FRMD3: variants seen among roughly 807,000 people sequenced by gnomAD.
The protein encoded by FRMD3 is FERM domain-containing protein 3.
Under a neutral mutation model 70.2 loss-of-function variants are expected in FRMD3, and 33 were observed. The ratio of observed to expected loss-of-function variants is 0.47; its 90% CI spans 0.36 to 0.63. The LOEUF (loss-of-function observed/expected upper bound fraction) is 0.63. Among genes scored for constraint, FRMD3 ranks in the 20% least tolerant of loss-of-function variants. The pLI is 0.00. For synonymous variants in FRMD3, 279 were observed against 255.9 expected, an observed-to-expected ratio of 1.09 and a Z score of -0.86; for missense variants, 632 against 711.4, an observed-to-expected ratio of 0.89 and a Z score of 1.27.
intron 12 of FRMD3, among the ~76,000 whole-genome samples, chr9:83,296,802 C>T (rs1164878869): frequency 6.6e-6 from 1 of 152,190 alleles, no homozygotes; most frequent in Non-Finnish European, 1.5e-5. Context: ...AAGAAAAGTG[C>T]TTCACTCCAG....
intron 13 of FRMD3, among the ~76,000 whole-genome samples, chr9:83,254,123 G>A (rs986514842): frequency 2.0e-5 from 3 of 151,884 alleles, no homozygotes; most frequent in Non-Finnish European, 4.4e-5. Flanking sequence ...CATGGGGTAG[G>A]GGGAAGGGGG....
chr9:83,479,741 A>AAAGAAAGGGAAAG (rs1828513138), intron 1 of FRMD3, among the ~76,000 whole-genome samples: 1 of 13,854 alleles, frequency 7.2e-5, no homozygotes, highest in African/African-American at 6.8e-4. Flanking sequence ...GAAAGAAAGA[A>AAAGAAAGGGAAAG]AAAGAAAAGA....
At chr9:83,341,946 A>G (rs1421670538) in intron 5 of FRMD3, among the ~76,000 whole-genome samples, 4 of 152,144 alleles carry the variant, frequency 2.6e-5, no homozygotes, top group African/African-American at 9.6e-5. Flanking sequence ...TGACAAGCTC[A>G]GTGTTGTGGT....
intron 3 of FRMD3, among the ~76,000 whole-genome samples, chr9:83,369,807 T>C (rs1564040804): frequency 2.6e-5 from 4 of 152,108 alleles, no homozygotes; most frequent in South Asian, 2.1e-4. Flanking sequence ...TATACATTCA[T>C]AAAAATTCTT....
chr9:83,331,865 T>C (rs747019404), intron 6 of FRMD3: 22 of 717,328 alleles, frequency 3.1e-5, no homozygotes, highest in South Asian at 1.3e-4. Context: ...CTGAACACCA[T>C]AGAATTGCAT....
At chr9:83,439,690 T>C (rs61424289) in intron 1 of FRMD3, among the ~76,000 whole-genome samples, 17,970 of 152,042 alleles carry the variant, frequency 0.12, 1,254 homozygotes, top group African/African-American at 0.18. Flanking sequence ...CATCATTAGA[T>C]ACATATTATG....
chr9:83,353,471 G>C (rs1157185397), intron 3 of FRMD3, among the ~76,000 whole-genome samples: 1 of 152,142 alleles, frequency 6.6e-6, no homozygotes, highest in African/African-American at 2.4e-5. Flanking sequence ...ATGCATGAGG[G>C]TATAGAATAA....
chr9:83,562,158 A>T, the FRMD3 span, among the ~76,000 whole-genome samples: 99,985 of 152,074 alleles, frequency 0.66, 33,057 homozygotes, highest in South Asian at 0.7. Flanking sequence ...TAGGGAGTAA[A>T]AATGGAAGAA....
chr9:83,369,343 A>T (rs1278347267), intron 3 of FRMD3, among the ~76,000 whole-genome samples: 1 of 152,142 alleles, frequency 6.6e-6, no homozygotes, highest in Non-Finnish European at 1.5e-5. Context: ...TGGGAGGCCA[A>T]AATGGGTGGA....
chr9:83,434,660 A>G (rs527632153), intron 1 of FRMD3, among the ~76,000 whole-genome samples: 1 of 152,092 alleles, frequency 6.6e-6, no homozygotes, highest in Non-Finnish European at 1.5e-5. Context: ...TCCTCTCCCA[A>G]TGTCTTAAAG....
intron 10 of FRMD3, among the ~76,000 whole-genome samples, chr9:83,303,994 T>C (rs1835021340): frequency 2.0e-5 from 3 of 152,232 alleles, no homozygotes; most frequent in Admixed American, 2.0e-4. Context: ...TCATGCAATA[T>C]GTGGTGCTTT....
chr9:83,498,570 A>C (rs1349290098), intron 1 of FRMD3, among the ~76,000 whole-genome samples: 3 of 152,194 alleles, frequency 2.0e-5, no homozygotes, highest in Non-Finnish European at 4.4e-5. Flanking sequence ...AAATGAAAAA[A>C]TACTTCCTCA....
chr9:83,422,118 G>A (rs930067072), intron 1 of FRMD3, among the ~76,000 whole-genome samples: 14 of 152,134 alleles, frequency 9.2e-5, no homozygotes, highest in African/African-American at 3.1e-4. Context: ...CCAGCTACTC[G>A]GGAGGCTGAG....
chr9:83,409,293 A>T (rs1347197877), intron 1 of FRMD3, among the ~76,000 whole-genome samples: 1 of 152,196 alleles, frequency 6.6e-6, no homozygotes, highest in African/African-American at 2.4e-5. Flanking sequence ...CTGTTCAAAA[A>T]TGGGATCAGC....
chr9:83,336,307 A>G (rs1469727036), intron 5 of FRMD3, among the ~76,000 whole-genome samples: 4 of 152,124 alleles, frequency 2.6e-5, no homozygotes, highest in African/African-American at 7.2e-5. Flanking sequence ...ATAAATATAT[A>G]TAATGTTTAT....
At chr9:83,416,760 TCTCTCTCTCTCTCTCTCTCTCTCTCTCA>T (rs1467799294) in intron 1 of FRMD3, among the ~76,000 whole-genome samples, 110 of 112,734 alleles carry the variant, frequency 9.8e-4, no homozygotes, top group African/African-American at 4.1e-3. Context: ...TCTCTCTCTC[TCTCTCTCTCTCTCTCTCTCTCTCTCTCA>T]CTCTCTCTCT....
At chr9:83,312,034 A>T in intron 7 of FRMD3, 59 bp from the exon 8 acceptor site, 1 of 1,248,610 alleles carries the variant, frequency 8.0e-7, no homozygotes, top group South Asian at 1.4e-5. Flanking sequence ...AATAAAATAA[A>T]TGATAACCAA....
intron 13 of FRMD3, among the ~76,000 whole-genome samples, chr9:83,256,746 C>T (rs778872779): frequency 6.6e-6 from 1 of 151,278 alleles, no homozygotes. Flanking sequence ...ATGTGGCCAA[C>T]AAACATATGA....
At chr9:83,336,090 T>G (rs554433114) in intron 5 of FRMD3, among the ~76,000 whole-genome samples, 23 of 152,250 alleles carry the variant, frequency 1.5e-4, no homozygotes, top group African/African-American at 5.1e-4. Context: ...TTCAGTTAGA[T>G]AGAAGGAATA....
Sources: allele counts gnomAD v4.1 joint callset (sites outside exome capture counted in the v4.1 genomes callset), GRCh38; gene constraint gnomAD v4.1.1; transcripts MANE v1.5; gene names NCBI Gene and HGNC (gene_info 2026-07-23, HGNC 2026-07-21).